LRRC49: variants seen among roughly 807,000 people sequenced by gnomAD.
The protein encoded by LRRC49 is leucine rich repeat containing 49, also known as leucine-rich repeat-containing protein 49.
LRRC49 carries 50 observed loss-of-function variants against 83.3 expected under a neutral mutation model. That is an observed-to-expected ratio of 0.60 (90% CI 0.48 to 0.76). The LOEUF is 0.76. Among genes scored for constraint, LRRC49 ranks in the 30% least tolerant of loss-of-function variants. LRRC49 has a pLI of 0.00. For synonymous variants in LRRC49, 286 were observed against 283.3 expected (o/e 1.01, Z -0.10); for missense variants, 704 against 809.1 (o/e 0.87, Z 1.58).
intron 8 of LRRC49, among the ~76,000 whole-genome samples, chr15:70,951,564 C>T (rs1363924441): frequency 1.3e-5 from 2 of 151,822 alleles, no homozygotes; most frequent in Admixed American, 6.6e-5. Context: ...TGAGCCTAGA[C>T]ATTATTGGTG....
chr15:71,025,760 C>G (rs1346327100), intron 14 of LRRC49, among the ~76,000 whole-genome samples: 2 of 147,322 alleles, frequency 1.4e-5, no homozygotes, highest in African/African-American at 5.0e-5. Context: ...GGACTTTAAA[C>G]CAACACAGAT....
intron 9 of LRRC49, among the ~76,000 whole-genome samples, chr15:70,975,542 A>C (rs553497568): frequency 1.3e-5 from 2 of 152,126 alleles, no homozygotes; most frequent in East Asian, 3.9e-4. Context: ...AATACAAAAA[A>C]TTTAGCCGAG....
chr15:71,049,327 A>AT, intron 15 of LRRC49, 82 bp from the exon 16 acceptor site: 1 of 892,462 alleles, frequency 1.1e-6, no homozygotes, highest in Non-Finnish European at 1.7e-6. Flanking sequence ...AATTATTTCA[A>AT]TTTTCTGTGG....
chr15:70,884,558 A>T (rs960627085), intron 2 of LRRC49, among the ~76,000 whole-genome samples: 11 of 152,132 alleles, frequency 7.2e-5, no homozygotes, highest in Admixed American at 2.0e-4. Context: ...AAAAAAAAGA[A>T]AGAAACTTTG....
intron 1 of LRRC49, chr15:70,858,868 G>A (rs2032716447): frequency 1.3e-6 from 1 of 765,262 alleles, no homozygotes; most frequent in East Asian, 2.5e-5. Flanking sequence ...CCTGGGTGGA[G>A]GCTGGGTGGT....
At chr15:70,876,213 G>A (rs935144927) in intron 2 of LRRC49, among the ~76,000 whole-genome samples, 1 of 152,078 alleles carries the variant, frequency 6.6e-6, no homozygotes, top group Non-Finnish European at 1.5e-5. Context: ...CTCACTACTC[G>A]AATTGCCTGA....
chr15:71,022,479 A>C (rs965398321), intron 14 of LRRC49, among the ~76,000 whole-genome samples: 1 of 152,252 alleles, frequency 6.6e-6, no homozygotes, highest in Non-Finnish European at 1.5e-5. Context: ...TGTTTACATA[A>C]ATATTGAAAG....
intron 9 of LRRC49, among the ~76,000 whole-genome samples, chr15:70,964,760 G>A (rs1332488277): frequency 6.6e-6 from 1 of 152,116 alleles, no homozygotes; most frequent in East Asian, 1.9e-4. Context: ...CAGTTTGATA[G>A]TCTCTGACCT....
chr15:70,952,658 T>C (rs2036260596), intron 8 of LRRC49, among the ~76,000 whole-genome samples: 1 of 152,116 alleles, frequency 6.6e-6, no homozygotes, highest in African/African-American at 2.4e-5. Context: ...GTTAGTCAAG[T>C]GTCAAGTTTA....
At chr15:70,948,136 G>A (rs2036076723) in intron 8 of LRRC49, among the ~76,000 whole-genome samples, 1 of 152,018 alleles carries the variant, frequency 6.6e-6, no homozygotes, top group African/African-American at 2.4e-5. Flanking sequence ...GTTCGTGTGT[G>A]TTCTACTTTC....
intron 5 of LRRC49, 35 bp downstream of exon 5, chr15:70,904,790 T>C (rs760759338): frequency 6.1e-6 from 9 of 1,481,716 alleles, no homozygotes; most frequent in African/African-American, 1.4e-5. Context: ...TAGCCTAATG[T>C]TATGTGTAGG....
chr15:71,011,960 C>A (rs1196988830), intron 13 of LRRC49, among the ~76,000 whole-genome samples: 2 of 151,984 alleles, frequency 1.3e-5, no homozygotes, highest in Non-Finnish European at 2.9e-5. Context: ...CCAGATAATT[C>A]TTTGTTGTGG....
At chr15:70,897,398 T>G (rs571416587) in intron 3 of LRRC49, among the ~76,000 whole-genome samples, 1 of 152,330 alleles carries the variant, frequency 6.6e-6, no homozygotes, top group East Asian at 1.9e-4. Flanking sequence ...CAAAATTGGT[T>G]TCTGTGACAG....
intron 11 of LRRC49, among the ~76,000 whole-genome samples, chr15:71,001,459 A>G (rs1483403777): frequency 6.6e-6 from 1 of 152,126 alleles, no homozygotes; most frequent in Non-Finnish European, 1.5e-5. Flanking sequence ...TTTGGCTGCC[A>G]TCTTTTTCTT....
At chr15:70,999,085 C>T (rs2038172564) in intron 11 of LRRC49, among the ~76,000 whole-genome samples, 1 of 152,118 alleles carries the variant, frequency 6.6e-6, no homozygotes, top group Admixed American at 6.6e-5. Flanking sequence ...ACATCATTCT[C>T]CTGGTTTTCC....
intron 11 of LRRC49, among the ~76,000 whole-genome samples, chr15:70,994,506 A>G (rs2038011911): frequency 6.6e-6 from 1 of 151,530 alleles, no homozygotes; most frequent in Non-Finnish European, 1.5e-5. Context: ...ACAGGGCCTC[A>G]CTCTGTCTCC....
At chr15:70,927,084 C>T (rs2035230751) in intron 7 of LRRC49, among the ~76,000 whole-genome samples, 1 of 152,092 alleles carries the variant, frequency 6.6e-6, no homozygotes. Context: ...CAGGAAACAA[C>T]AGGTGCTGGA....
chr15:70,945,162 C>T (rs1282894591), intron 8 of LRRC49, among the ~76,000 whole-genome samples: 1 of 152,210 alleles, frequency 6.6e-6, no homozygotes, highest in Non-Finnish European at 1.5e-5. Context: ...ATTCTGACTT[C>T]TATTTCATCT....
chr15:71,013,219 GA>G (rs1159231647), intron 14 of LRRC49, among the ~76,000 whole-genome samples: 1 of 152,116 alleles, frequency 6.6e-6, no homozygotes, highest in Non-Finnish European at 1.5e-5. Flanking sequence ...TCACAAAGGA[GA>G]AAACATTTTA....
Sources: gnomAD v4.1 joint callset for allele counts (sites outside exome capture counted in the v4.1 genomes callset) on GRCh38, gnomAD v4.1.1 for gene constraint, MANE v1.5 for transcripts, NCBI Gene and HGNC (gene_info 2026-07-23, HGNC 2026-07-21) for gene names.